The following MIGA1 variants were observed in gnomAD, a reference collection of about 807,000 sequenced individuals.
MIGA1 encodes the protein family with sequence similarity 73, member A.
MIGA1 carries 58 observed loss-of-function variants against 82.0 expected under a neutral mutation model. That is an observed-to-expected ratio of 0.71 (90% CI 0.57 to 0.88). The LOEUF is 0.88. Among genes scored for constraint, MIGA1 ranks in the 40% least tolerant of loss-of-function variants. MIGA1 has a pLI of 0.00. For missense variants in MIGA1, 751 were observed against 749.1 expected (o/e 1.00, Z -0.03); for synonymous variants, 249 against 253.6 (o/e 0.98, Z 0.17).
intron 2 of MIGA1, among the ~76,000 whole-genome samples, chr1:77,795,071 C>T (rs547301437): frequency 1.3e-5 from 2 of 151,824 alleles, no homozygotes; most frequent in Non-Finnish European, 2.9e-5. Flanking sequence ...TCAAGCAATT[C>T]TCCTGTCTCA....
At chr1:77,790,443 T>G (rs1178368357) in intron 2 of MIGA1, among the ~76,000 whole-genome samples, 4 of 152,144 alleles carry the variant, frequency 2.6e-5, no homozygotes, top group Non-Finnish European at 4.4e-5. Context: ...ATTTTTTGTA[T>G]TTTTAGTAGA....
At chr1:77,855,348 C>T (rs188708031) in intron 8 of MIGA1, among the ~76,000 whole-genome samples, 4 of 151,980 alleles carry the variant, frequency 2.6e-5, no homozygotes, top group Non-Finnish European at 4.4e-5. Context: ...GAATTCTTTT[C>T]GCTTAGTCTT....
Position 77,869,741 on chromosome 1 carries a change from C to G in MIGA1, c.1564-3263C>G, listed in dbSNP as rs1260567507. Reference sequence around the variant, plus strand: ...TCCCGGACAGGGCGGCTGGCCGACCCCCCCCCCGCCTGCCTCCCGGACGGG... The same window carrying G: ...TCCCGGACAGGGCGGCTGGCCGACCGCCCCCCCGCCTGCCTCCCGGACGGG... On this transcript the variant is annotated intron_variant, in intron 14 of 15. Coordinates refer to ENST00000370791, the MANE Select transcript of MIGA1 (RefSeq NM_198549.4). 6.4e-5 allele frequency among the ~76,000 whole-genome samples: 7 copies of G among 108,824 alleles called. 1 individual carries two copies. Among genetic ancestry groups the G allele is most frequent in the East Asian group, 6.2e-4 (2 of 3,218 alleles). 71.4% of individuals were successfully genotyped at this position (108,824 alleles called of 152,430 possible). A position where few individuals can be genotyped will look rare whatever the true frequency, so the allele number is the denominator to read the frequency against.
intron 5 of MIGA1, among the ~76,000 whole-genome samples, chr1:77,808,469 G>GT (rs1181367793): frequency 2.0e-5 from 3 of 151,966 alleles, no homozygotes; most frequent in East Asian, 3.9e-4. Flanking sequence ...TACTAAATAT[G>GT]TTTTTTCTAG....
chr1:77,870,703 A>G (rs1426218001), intron 14 of MIGA1, among the ~76,000 whole-genome samples: 10 of 150,298 alleles, frequency 6.7e-5, no homozygotes, highest in South Asian at 6.4e-4. Context: ...AGAGGCTGCA[A>G]TCTCGGCACT....
At chr1:77,844,113 A>AATATATAT (rs869208869) in intron 8 of MIGA1, among the ~76,000 whole-genome samples, 21 of 90,116 alleles carry the variant, frequency 2.3e-4, no homozygotes, top group South Asian at 8.7e-4. Flanking sequence ...AAAAAAAAAA[A>AATATATAT]ATATATATAT....
At position 77,874,956 on chromosome 1, in the gene MIGA1, G is replaced by A; in HGVS notation, c.1791G>A (p.Glu597=). The A allele has an allele frequency of 6.2e-7, 1 of 1,614,114 alleles. No individual in the cohort carries two copies. The highest frequency in any genetic ancestry group is 1.7e-5 in the Admixed American group (1 of 60,008). Residue 597 remains glutamate, a synonymous_variant, in exon 16 of 16, where the codon GAG becomes GAA. Transcript: ENST00000370791. ...TGCAGTTACTCATTCGCCGCACTGAGCTTTTAATGGCCTATCTTGAAGCAG... is the reference window on the plus strand; with the variant it reads ...TGCAGTTACTCATTCGCCGCACTGAACTTTTAATGGCCTATCTTGAAGCAG...
At chr1:77,814,364 C>G (rs763491444) in intron 6 of MIGA1, among the ~76,000 whole-genome samples, 25 of 151,940 alleles carry the variant, frequency 1.6e-4, no homozygotes, top group Admixed American at 2.0e-4. Flanking sequence ...CCAGGATATG[C>G]AAAATAAGCA....
In MIGA1 at chr1:77,864,590, C is replaced by T. The variant is rs375433718; in HGVS notation, c.1509+562C>T. Among the ~76,000 whole-genome samples, 172 of 152,156 alleles carry T rather than the reference C, an allele frequency of 1.1e-3. 2 individuals carry two copies. The highest frequency in any genetic ancestry group is 3.9e-3 in the African/African-American group (163 of 41,510). On this transcript the variant is annotated intron_variant, in intron 13 of 15. Coordinates refer to ENST00000370791, the MANE Select transcript of MIGA1 (RefSeq NM_198549.4). ...ACTCGGGAGGCTGAGGTGTAATAAT[C>T]GCTTGAACCCAGGAGGCAGAGGTTG...
chr1:77,860,917 T>C (rs567102111), intron 11 of MIGA1: 1 of 260,046 alleles, frequency 3.8e-6, no homozygotes, highest in African/African-American at 2.3e-5. Context: ...GAAGCAGAAC[T>C]GCAACAAAAG....
At chr1:77,838,325 CTTATTTAT>C (rs376304871) in intron 7 of MIGA1, among the ~76,000 whole-genome samples, 16 of 151,498 alleles carry the variant, frequency 1.1e-4, no homozygotes, top group Admixed American at 8.6e-4. Flanking sequence ...TACCTTTTAG[CTTATTTAT>C]TTATTTATTT....
At chr1:77,858,706 C>A (rs1167771552) in intron 8 of MIGA1, among the ~76,000 whole-genome samples, 2 of 152,170 alleles carry the variant, frequency 1.3e-5, no homozygotes, top group African/African-American at 4.8e-5. Flanking sequence ...ACAACTTCAA[C>A]CTCCTGTGCT....
intron 8 of MIGA1, among the ~76,000 whole-genome samples, chr1:77,844,113 A>AAAAAAATATAT (rs1296124524): frequency 1.6e-4 from 14 of 90,142 alleles, no homozygotes; most frequent in Non-Finnish European, 3.0e-4. Context: ...AAAAAAAAAA[A>AAAAAAATATAT]ATATATATAT....
chr1:77,848,394 AAAGT>A, intron 8 of MIGA1: 1 of 968,806 alleles, frequency 1.0e-6, no homozygotes, highest in Admixed American at 2.5e-5. Context: ...AGAGCGTATG[AAAGT>A]AAGGAAAGAA....
At chr1:77,814,465 T>C (rs1683497723) in intron 6 of MIGA1, among the ~76,000 whole-genome samples, 1 of 152,154 alleles carries the variant, frequency 6.6e-6, no homozygotes, top group African/African-American at 2.4e-5. Flanking sequence ...GGAACAATCA[T>C]AGTACACTAT....
chr1:77,829,045 T>C (rs1261126584), intron 7 of MIGA1, among the ~76,000 whole-genome samples: 1 of 152,194 alleles, frequency 6.6e-6, no homozygotes, highest in Non-Finnish European at 1.5e-5. Flanking sequence ...TTCTATGTAT[T>C]GTTTAGAGGG....
At chr1:77,863,621 T>C (rs887593167) in intron 12 of MIGA1, among the ~76,000 whole-genome samples, 6 of 152,172 alleles carry the variant, frequency 3.9e-5, no homozygotes, top group African/African-American at 1.4e-4. Flanking sequence ...AGAATGAGCA[T>C]CCTGGATGTT....
intron 8 of MIGA1, among the ~76,000 whole-genome samples, chr1:77,852,717 A>C (rs1477693411): frequency 1.3e-5 from 2 of 152,118 alleles, no homozygotes; most frequent in Non-Finnish European, 2.9e-5. Context: ...GAGAGAGAGA[A>C]TCTCACTCTG....
At position 77,838,682 on chromosome 1, in the gene MIGA1, A is replaced by G. The variant is rs565021708; in HGVS notation, c.896-4625A>G. 6.6e-5 allele frequency among the ~76,000 whole-genome samples: 10 copies of G among 152,298 alleles called. No individual in the cohort carries two copies. The East Asian group carries it at 1.9e-3, about 29-fold the overall frequency. ...AGGCTGATCTCGAACTCCTGACCTC[A>G]GGTGATCCACCCACCTTGGTCTCCC... On this transcript the variant is annotated intron_variant, in intron 7 of 15. Transcript: ENST00000370791.
Sources: allele counts gnomAD v4.1 joint callset (sites outside exome capture counted in the v4.1 genomes callset), GRCh38; gene constraint gnomAD v4.1.1; transcripts MANE v1.5; gene names NCBI Gene and HGNC (gene_info 2026-07-23, HGNC 2026-07-21).